PCNX2: variants seen among roughly 807,000 people sequenced by gnomAD.
PCNX2 encodes the protein pecanex-like protein 2.
In PCNX2, 168 loss-of-function variants were observed where a neutral mutation model predicts 223.8. That is an observed-to-expected ratio of 0.75 (90% confidence interval 0.66 to 0.85). The LOEUF is 0.85. PCNX2 is among the 40% of genes least tolerant of loss of function. The pLI, the probability that PCNX2 is intolerant of heterozygous loss-of-function variation, is 0.00. For missense variants in PCNX2, 2,507 were observed against 2,675.5 expected, an observed-to-expected ratio of 0.94 and a Z score of 1.39; for synonymous variants, 1,006 against 1,052.6, an observed-to-expected ratio of 0.96 and a Z score of 0.86.
In PCNX2 at chr1:233,019,505, G is replaced by A. The variant is rs191984669; in HGVS notation, c.4606-2351C>T. 7.9e-4 allele frequency among the ~76,000 whole-genome samples: 120 copies of A among 152,230 alleles called. 1 individual carries two copies. Among genetic ancestry groups the A allele is most frequent in the South Asian group, 5.4e-3 (26 of 4,796 alleles). Reference sequence around the variant, plus strand: ...CATGCTAATGATGCCCACGTTGCACGGCTGTTCTGAGGTTTAGAATGAGAC... The same window carrying A: ...CATGCTAATGATGCCCACGTTGCACAGCTGTTCTGAGGTTTAGAATGAGAC... On this transcript the variant is annotated intron_variant, in intron 26 of 33. Transcript: ENST00000258229.
chr1:233,110,011 C>G (rs1184078001), intron 21 of PCNX2, among the ~76,000 whole-genome samples: 1 of 152,158 alleles, frequency 6.6e-6, no homozygotes, highest in Admixed American at 6.5e-5. Context: ...ATCACTTGAA[C>G]CCAGGAGGCA....
chr1:233,252,788 T>A lies in PCNX2; in HGVS notation c.1835A>T (p.Asp612Val). The A allele has an allele frequency of 6.2e-7, 1 of 1,602,526 alleles. No individual in the cohort carries two copies. Among genetic ancestry groups the A allele is most frequent in the South Asian group, 1.1e-5 (1 of 88,460 alleles). The part of the protein sequence containing the change: ...EQNEESGLLR[D>V]NCSQEKKEEI... ...CTCCTTTTTTTCCTGGGAACAGTTA[T>A]CTGAAAAACATTGCTTTACTTGTTA... Residue 612 changes from aspartate (D) to valine (V), a missense_variant and splice_region_variant, in exon 6 of 34, where the codon GAT becomes GTT. Physicochemically the swap from Asp to Val is radical, Grantham distance 152 (BLOSUM62 -3). Transcript: ENST00000258229.
intron 23 of PCNX2, among the ~76,000 whole-genome samples, chr1:233,073,815 C>G (rs1487949472): frequency 6.6e-6 from 1 of 152,058 alleles, no homozygotes; most frequent in African/African-American, 2.4e-5. Context: ...CCATCTATCA[C>G]TATGTTGCCC....
chr1:233,032,173 G>A (rs1671292884), intron 25 of PCNX2: 1 of 638,742 alleles, frequency 1.6e-6, no homozygotes, highest in Non-Finnish European at 1.9e-6. Flanking sequence ...CGCGATCTTG[G>A]CTTACCACAA....
chr1:233,013,966 T>TA (rs56107108), intron 28 of PCNX2, among the ~76,000 whole-genome samples: 26,558 of 152,046 alleles, frequency 0.17, 3,007 homozygotes, highest in African/African-American at 0.32. Context: ...CCCATAGTGC[T>TA]AAAAAAGGGG....
At chr1:233,152,049 T>C (rs1489206380) in intron 19 of PCNX2, among the ~76,000 whole-genome samples, 2 of 152,140 alleles carry the variant, frequency 1.3e-5, no homozygotes, top group Admixed American at 1.3e-4. Context: ...CCTCCAGCCT[T>C]GTGGAGACTG....
chr1:233,221,902 T>C (rs1401470600), intron 10 of PCNX2, among the ~76,000 whole-genome samples: 1 of 152,146 alleles, frequency 6.6e-6, no homozygotes, highest in Non-Finnish European at 1.5e-5. Context: ...CAAAGGAAAA[T>C]TGGTTTCTTC....
intron 17 of PCNX2, among the ~76,000 whole-genome samples, chr1:233,162,350 A>G (rs1377777686): frequency 2.0e-5 from 3 of 152,204 alleles, no homozygotes; most frequent in Non-Finnish European, 2.9e-5. Flanking sequence ...GAAATCTTCA[A>G]TACATTTATA....
At chr1:233,112,768 C>A in intron 21 of PCNX2, 4 of 1,164,878 alleles carry the variant, frequency 3.4e-6, no homozygotes, top group South Asian at 1.6e-5. Context: ...GAGAATTAAG[C>A]AAAAATGAAG....
chr1:233,313,567 A>C, the PCNX2 span, among the ~76,000 whole-genome samples: 1 of 152,178 alleles, frequency 6.6e-6, no homozygotes, highest in Admixed American at 6.5e-5. Flanking sequence ...ACAAGCAAGC[A>C]AGACAGAAAA....
intron 19 of PCNX2, among the ~76,000 whole-genome samples, chr1:233,143,510 T>C (rs6687497): frequency 0.5 from 76,653 of 152,110 alleles, 21,266 homozygotes; most frequent in African/African-American, 0.75. Flanking sequence ...GTTACAAATG[T>C]AAATTCTCAG....
chr1:233,287,223 T>C (rs1178815546), intron 1 of PCNX2, among the ~76,000 whole-genome samples: 2 of 152,216 alleles, frequency 1.3e-5, no homozygotes, highest in Non-Finnish European at 2.9e-5. Context: ...CCATCTCAAG[T>C]GGGAAACTAG....
the PCNX2 span, among the ~76,000 whole-genome samples, chr1:233,309,549 T>A: frequency 0.2 from 23,823 of 117,178 alleles, 2,125 homozygotes; most frequent in Admixed American, 0.23. Context: ...AAAAAAATAA[T>A]AATAATAATA....
rs770232460 is a variant in PCNX2 at position 233,218,020 on chromosome 1, T to A, written c.2658+11A>T. ...GCACACGCTACTGGTAAGAATTAGA[T>A]GTGGTCTTGCCTTTAGCAGGGAGTA... On this transcript the variant is annotated intron_variant, in intron 11 of 33. Transcript: ENST00000258229. 12 of 1,611,164 alleles carry A rather than the reference T, an allele frequency of 7.4e-6. No individual in the cohort carries two copies. The highest frequency in any genetic ancestry group is 3.4e-5 in the Admixed American group (2 of 59,614).
chr1:233,289,799 A>C (rs1034997879), intron 1 of PCNX2, among the ~76,000 whole-genome samples: 17 of 149,704 alleles, frequency 1.1e-4, no homozygotes, highest in Non-Finnish European at 2.6e-4. Context: ...TAACCTTTTG[A>C]GAATGGCAAC....
upstream of PCNX2, among the ~76,000 whole-genome samples, chr1:233,299,581 T>G (rs1386899418): frequency 2.6e-5 from 4 of 152,088 alleles, no homozygotes; most frequent in African/African-American, 9.7e-5. Context: ...AAGCCAGAGG[T>G]TGGCGGCAAG....
chr1:233,091,686 T>C (rs926051899), intron 22 of PCNX2, among the ~76,000 whole-genome samples: 2 of 149,646 alleles, frequency 1.3e-5, no homozygotes, highest in Admixed American at 6.7e-5. Context: ...TGAGCTAGAA[T>C]TGCACTGTTG....
chr1:233,181,199 C>CTTTTTTT (rs555797913), intron 15 of PCNX2: 1 of 135,630 alleles, frequency 7.4e-6, no homozygotes, highest in Non-Finnish European at 1.6e-5. Context: ...AAGTTGCTGA[C>CTTTTTTT]TTTTTTTTTT....
At chr1:233,257,991 A>C in intron 5 of PCNX2, 37 bp downstream of exon 5, 4 of 1,587,076 alleles carry the variant, frequency 2.5e-6, no homozygotes, top group Non-Finnish European at 3.4e-6. Context: ...ATTGCCTTCT[A>C]TGTCATCATC....
Sources: gnomAD v4.1 joint callset for allele counts (sites outside exome capture counted in the v4.1 genomes callset) on GRCh38, gnomAD v4.1.1 for gene constraint, MANE v1.5 for transcripts, NCBI Gene and HGNC (gene_info 2026-07-23, HGNC 2026-07-21) for gene names.